Variants in KCNC2 observed in about 807,000 individuals in gnomAD.
KCNC2 encodes potassium voltage-gated channel subfamily C member 2, also known as voltage-gated potassium channel KCNC2.
In KCNC2, 21 loss-of-function variants were observed where a neutral mutation model predicts 44.5. That is an observed-to-expected ratio of 0.47 (90% CI 0.33 to 0.68). KCNC2 has a LOEUF of 0.68. Among genes scored for constraint, KCNC2 ranks in the 30% least tolerant of loss-of-function variants. KCNC2 has a pLI of 0.01. For synonymous variants in KCNC2, 391 were observed against 339.1 expected (o/e 1.15, Z -1.68); for missense variants, 589 against 826.2 (o/e 0.71, Z 3.52).
chr12:75,150,414 A>C (rs926224150), intron 2 of KCNC2, among the ~76,000 whole-genome samples: 4 of 151,746 alleles, frequency 2.6e-5, no homozygotes, highest in Non-Finnish European at 5.9e-5. Flanking sequence ...GTCTTGATTT[A>C]TTTACTTGGT....
At chr12:75,185,368 C>T (rs1892867570) in intron 2 of KCNC2, among the ~76,000 whole-genome samples, 7 of 152,092 alleles carry the variant, frequency 4.6e-5, no homozygotes, top group Admixed American at 4.6e-4. Context: ...CTTGATTCCC[C>T]ATGCAATGGT....
At chr12:75,142,967 G>A (rs1889761848) in intron 2 of KCNC2, among the ~76,000 whole-genome samples, 1 of 152,102 alleles carries the variant, frequency 6.6e-6, no homozygotes, top group African/African-American at 2.4e-5. Context: ...TACTTTAAAA[G>A]TTTCATGATT....
intron 2 of KCNC2, among the ~76,000 whole-genome samples, chr12:75,151,093 T>C (rs1275484978): frequency 6.6e-6 from 1 of 152,078 alleles, no homozygotes; most frequent in Middle Eastern, 3.4e-3. Flanking sequence ...TTTTGATAAC[T>C]GGACGGGCTT....
chr12:75,046,776 A>G (rs1880570525), intron 4 of KCNC2, among the ~76,000 whole-genome samples: 1 of 151,968 alleles, frequency 6.6e-6, no homozygotes, highest in South Asian at 2.1e-4. Flanking sequence ...TGCAAGAAAT[A>G]GATGCAAACA....
At chr12:75,064,809 T>C (rs1462608172) in intron 2 of KCNC2, among the ~76,000 whole-genome samples, 3 of 152,030 alleles carry the variant, frequency 2.0e-5, no homozygotes, top group Admixed American at 6.6e-5. Flanking sequence ...ATATTTTCTT[T>C]TTATTGTTTC....
intron 2 of KCNC2, among the ~76,000 whole-genome samples, chr12:75,074,775 A>T (rs1883761597): frequency 6.6e-6 from 1 of 152,230 alleles, no homozygotes; most frequent in Non-Finnish European, 1.5e-5. Context: ...AATCTAACTT[A>T]TTCCCTTGCC....
chr12:75,152,949 A>T (rs1545667), intron 2 of KCNC2, among the ~76,000 whole-genome samples: 27,753 of 151,938 alleles, frequency 0.18, 2,975 homozygotes, highest in Middle Eastern at 0.3. Flanking sequence ...TAAATTTAAA[A>T]ACTCAATTCA....
At chr12:75,095,011 A>G (rs147060028) in intron 2 of KCNC2, among the ~76,000 whole-genome samples, 17 of 151,970 alleles carry the variant, frequency 1.1e-4, no homozygotes, top group African/African-American at 3.9e-4. Flanking sequence ...TCCCTTTGAT[A>G]TGAATAAGGC....
At chr12:75,182,547 C>A (rs796433525) in intron 2 of KCNC2, among the ~76,000 whole-genome samples, 4,245 of 133,056 alleles carry the variant, frequency 0.032, 218 homozygotes, top group African/African-American at 0.11. Flanking sequence ...ACAAAAAAAA[C>A]AAAAAAAAAC....
At chr12:75,169,639 A>C (rs1891681596) in intron 2 of KCNC2, among the ~76,000 whole-genome samples, 1 of 151,578 alleles carries the variant, frequency 6.6e-6, no homozygotes, top group Non-Finnish European at 1.5e-5. Flanking sequence ...TTAAAAACCT[A>C]TTTCAAAATT....
At chr12:75,056,143 G>A (rs1034313073) in intron 2 of KCNC2, among the ~76,000 whole-genome samples, 1 of 151,932 alleles carries the variant, frequency 6.6e-6, no homozygotes, top group Non-Finnish European at 1.5e-5. Context: ...CAAGAAGTAG[G>A]TCTTCAGCCC....
intron 2 of KCNC2, among the ~76,000 whole-genome samples, chr12:75,081,129 C>G (rs1161970509): frequency 2.6e-5 from 4 of 152,078 alleles, no homozygotes; most frequent in Admixed American, 2.6e-4. Context: ...CAGTATTCAT[C>G]TAACATATTA....
chr12:75,086,647 C>T (rs1227828318), intron 2 of KCNC2, among the ~76,000 whole-genome samples: 3 of 90,534 alleles, frequency 3.3e-5, no homozygotes, highest in African/African-American at 8.7e-5. Flanking sequence ...CCATAAAAAG[C>T]AAGTTCATTT....
intron 2 of KCNC2, among the ~76,000 whole-genome samples, chr12:75,094,798 C>T (rs1885784363): frequency 6.6e-6 from 1 of 151,684 alleles, no homozygotes; most frequent in Admixed American, 6.6e-5. Context: ...AATGAAAGCT[C>T]TATCAACAGA....
chr12:75,049,581 C>CAG (rs996020271), intron 3 of KCNC2, among the ~76,000 whole-genome samples: 2 of 152,026 alleles, frequency 1.3e-5, no homozygotes, highest in African/African-American at 4.8e-5. Context: ...TGGGGAGGAG[C>CAG]AGAGATTCAA....
intron 2 of KCNC2, among the ~76,000 whole-genome samples, chr12:75,186,071 A>G (rs1892922840): frequency 6.7e-6 from 1 of 150,368 alleles, no homozygotes; most frequent in Non-Finnish European, 1.5e-5. Flanking sequence ...AAATAAATAA[A>G]TAAATAAATA....
chr12:75,110,820 G>A (rs144664444), intron 2 of KCNC2, among the ~76,000 whole-genome samples: 15 of 152,108 alleles, frequency 9.9e-5, no homozygotes, highest in African/African-American at 3.1e-4. Flanking sequence ...TAAATATTCA[G>A]GAGCCAAACA....
chr12:75,163,595 T>C (rs1418464118), intron 2 of KCNC2, among the ~76,000 whole-genome samples: 1 of 151,712 alleles, frequency 6.6e-6, no homozygotes, highest in African/African-American at 2.4e-5. Flanking sequence ...ATGAGACAGA[T>C]ATATAAAAAA....
At chr12:75,151,114 G>T (rs976718990) in intron 2 of KCNC2, among the ~76,000 whole-genome samples, 1 of 151,874 alleles carries the variant, frequency 6.6e-6, no homozygotes, top group Non-Finnish European at 1.5e-5. Context: ...GCAGATACAA[G>T]CTCACCAAAG....
Sources: gnomAD v4.1 joint callset for allele counts (sites outside exome capture counted in the v4.1 genomes callset) on GRCh38, gnomAD v4.1.1 for gene constraint, MANE v1.5 for transcripts, NCBI Gene and HGNC (gene_info 2026-07-23, HGNC 2026-07-21) for gene names.